RIT2: variants seen among roughly 807,000 people sequenced by gnomAD.
The protein encoded by RIT2 is Ras like without CAAX 2.
In RIT2, 24 loss-of-function variants were observed where a neutral mutation model predicts 23.7. The observed-to-expected ratio is 1.01, with a 90% confidence interval of 0.73 to 1.43. The LOEUF (loss-of-function observed/expected upper bound fraction) is 1.43, where lower values mean the gene tolerates loss of function less well. Among genes scored for constraint, RIT2 ranks in the 40% most tolerant of loss-of-function variants. RIT2 has a pLI of 0.00. For missense variants in RIT2, 236 were observed against 266.9 expected (o/e 0.88, Z 0.81); for synonymous variants, 107 against 91.1 (o/e 1.17, Z -0.99).
At chr18:42,780,526 A>G (rs913096847) in intron 4 of RIT2, among the ~76,000 whole-genome samples, 1 of 152,180 alleles carries the variant, frequency 6.6e-6, no homozygotes, top group Non-Finnish European at 1.5e-5. Context: ...TACATAATGT[A>G]AATTTTCCCT....
chr18:43,026,604 GAA>G (rs1911730585), intron 2 of RIT2, among the ~76,000 whole-genome samples: 2 of 138,278 alleles, frequency 1.4e-5, no homozygotes, highest in Non-Finnish European at 1.6e-5. Context: ...AAGAAAGAAA[GAA>G]AGAAAGAAAG....
intron 4 of RIT2, among the ~76,000 whole-genome samples, chr18:42,825,946 C>A (rs2144000008): frequency 6.6e-6 from 1 of 151,998 alleles, no homozygotes; most frequent in South Asian, 2.1e-4. Context: ...GCATAATTTT[C>A]ATCTGGTGGA....
At chr18:43,100,767 G>T (rs1243696804) in intron 1 of RIT2, among the ~76,000 whole-genome samples, 3 of 152,096 alleles carry the variant, frequency 2.0e-5, no homozygotes, top group Admixed American at 6.6e-5. Context: ...AGATGGAGTT[G>T]CTATCAATTG....
intron 4 of RIT2, among the ~76,000 whole-genome samples, chr18:42,816,133 C>T (rs1282831367): frequency 6.6e-6 from 1 of 150,596 alleles, no homozygotes; most frequent in African/African-American, 2.4e-5. Context: ...ATAATCAGAT[C>T]TCCAAGCAAA....
At chr18:42,999,913 G>A (rs1911065707) in intron 2 of RIT2, among the ~76,000 whole-genome samples, 1 of 152,028 alleles carries the variant, frequency 6.6e-6, no homozygotes, top group African/African-American at 2.4e-5. Context: ...TGTAAAGAAA[G>A]AATGAAATCC....
chr18:42,800,923 C>T (rs1417906292), intron 4 of RIT2, among the ~76,000 whole-genome samples: 1 of 152,138 alleles, frequency 6.6e-6, no homozygotes, highest in Non-Finnish European at 1.5e-5. Context: ...CACTTCTGTT[C>T]TCTACTTCAT....
chr18:42,954,635 TG>T (rs369399750), intron 3 of RIT2, among the ~76,000 whole-genome samples: 113 of 152,208 alleles, frequency 7.4e-4, no homozygotes, highest in African/African-American at 2.5e-3. Context: ...TGCTTGAAGC[TG>T]AAAGTGTTTT....
intron 2 of RIT2, among the ~76,000 whole-genome samples, chr18:43,017,188 A>C (rs143127010): frequency 6.6e-6 from 1 of 152,116 alleles, no homozygotes; most frequent in East Asian, 1.9e-4. Flanking sequence ...TGATAATTAC[A>C]CAAATTGGGA....
chr18:42,890,416 A>C (rs1391780209), intron 4 of RIT2, among the ~76,000 whole-genome samples: 1 of 151,718 alleles, frequency 6.6e-6, no homozygotes, highest in East Asian at 1.9e-4. Flanking sequence ...CACAGCTTAA[A>C]CTCTATTTGG....
At chr18:43,050,809 A>G (rs1912363012) in intron 1 of RIT2, among the ~76,000 whole-genome samples, 1 of 152,154 alleles carries the variant, frequency 6.6e-6, no homozygotes, top group Non-Finnish European at 1.5e-5. Context: ...ACAGCTGAAC[A>G]CATGGAAGTT....
At chr18:43,053,174 G>A (rs1258694152) in intron 1 of RIT2, among the ~76,000 whole-genome samples, 2 of 152,002 alleles carry the variant, frequency 1.3e-5, no homozygotes, top group African/African-American at 4.8e-5. Flanking sequence ...ATTAGTTTAG[G>A]TAATGCTGTC....
At chr18:43,086,513 G>A (rs932106440) in intron 1 of RIT2, among the ~76,000 whole-genome samples, 7 of 152,136 alleles carry the variant, frequency 4.6e-5, no homozygotes, top group African/African-American at 1.7e-4. Context: ...AGGGTAAAAC[G>A]TAAATGTAAC....
chr18:42,795,419 G>C (rs542231285), intron 4 of RIT2, among the ~76,000 whole-genome samples: 3 of 152,360 alleles, frequency 2.0e-5, no homozygotes, highest in African/African-American at 7.2e-5. Flanking sequence ...AGCAGTGCCA[G>C]CCCACTGGCG....
chr18:42,797,864 A>C (rs1598658267), intron 4 of RIT2, among the ~76,000 whole-genome samples: 1 of 152,182 alleles, frequency 6.6e-6, no homozygotes, highest in South Asian at 2.1e-4. Context: ...CAAGGCATAC[A>C]AGGGAATATA....
intron 4 of RIT2, among the ~76,000 whole-genome samples, chr18:42,837,812 C>A (rs1000693905): frequency 1.3e-5 from 2 of 152,006 alleles, no homozygotes. Context: ...TTAAAAAAAT[C>A]TTTTAATTGA....
At chr18:43,086,185 T>C (rs1479021319) in intron 1 of RIT2, among the ~76,000 whole-genome samples, 1 of 152,150 alleles carries the variant, frequency 6.6e-6, no homozygotes, top group Admixed American at 6.6e-5. Context: ...TGTTATGCTT[T>C]AATGAGCATA....
chr18:43,091,222 A>G (rs1435396250), intron 1 of RIT2, among the ~76,000 whole-genome samples: 1 of 151,954 alleles, frequency 6.6e-6, no homozygotes, highest in African/African-American at 2.4e-5. Flanking sequence ...ACTTTGATAA[A>G]GATATTGGCC....
intron 1 of RIT2, among the ~76,000 whole-genome samples, chr18:43,049,001 T>G (rs1426813403): frequency 2.6e-5 from 4 of 152,228 alleles, no homozygotes; most frequent in Non-Finnish European, 5.9e-5. Flanking sequence ...AGTTTGAATC[T>G]AGAGTAGTCA....
intron 4 of RIT2, among the ~76,000 whole-genome samples, chr18:42,919,094 A>T (rs576744084): frequency 7.2e-5 from 11 of 152,242 alleles, no homozygotes; most frequent in African/African-American, 2.6e-4. Context: ...GGACTGGATT[A>T]CTCATGCCTT....
Sources: allele counts gnomAD v4.1 joint callset (sites outside exome capture counted in the v4.1 genomes callset), GRCh38; gene constraint gnomAD v4.1.1; transcripts MANE v1.5; gene names NCBI Gene and HGNC (gene_info 2026-07-23, HGNC 2026-07-21).